The following AOPEP variants were observed in gnomAD, a reference collection of about 807,000 sequenced individuals.
AOPEP encodes aminopeptidase O.
Under a neutral mutation model 98.1 loss-of-function variants are expected in AOPEP, and 77 were observed. The observed-to-expected ratio is 0.78, with a 90% CI of 0.65 to 0.95. AOPEP has a LOEUF of 0.95. Ranked by LOEUF, AOPEP falls within the 40% of genes least tolerant of loss-of-function variation. The pLI is 0.00. For missense variants in AOPEP, 1,024 were observed against 1,024.7 expected (o/e 1.00, Z 0.01); for synonymous variants, 346 against 365.3 (o/e 0.95, Z 0.60).
chr9:95,017,938 T>C (rs1047312013), intron 13 of AOPEP, among the ~76,000 whole-genome samples: 1 of 152,250 alleles, frequency 6.6e-6, no homozygotes, highest in Non-Finnish European at 1.5e-5. Context: ...AAGTTTGAGC[T>C]CCAGTGGTGT....
intron 5 of AOPEP, among the ~76,000 whole-genome samples, chr9:94,826,173 G>C (rs911860853): frequency 6.6e-6 from 1 of 152,098 alleles, no homozygotes; most frequent in Admixed American, 6.5e-5. Context: ...CTTGTTCTCC[G>C]AAGACATGAG....
chr9:95,125,253 G>C, the AOPEP span: 4 of 1,272,812 alleles, frequency 3.1e-6, no homozygotes, highest in South Asian at 4.8e-5. Flanking sequence ...AACCTGCACT[G>C]TATAAGGGAA....
intron 7 of AOPEP, among the ~76,000 whole-genome samples, chr9:94,938,825 A>G (rs796457191): frequency 1.2e-4 from 19 of 152,370 alleles, no homozygotes; most frequent in African/African-American, 4.3e-4. Flanking sequence ...CATATGATCA[A>G]AGAGAAAGAG....
intron 10 of AOPEP, among the ~76,000 whole-genome samples, chr9:94,978,807 A>G (rs1477207337): frequency 6.6e-6 from 1 of 152,170 alleles, no homozygotes; most frequent in Non-Finnish European, 1.5e-5. Context: ...TAGATTGGAC[A>G]TATCAAGCAA....
chr9:94,810,821 C>T (rs573836281), intron 5 of AOPEP, among the ~76,000 whole-genome samples: 1 of 152,234 alleles, frequency 6.6e-6, no homozygotes, highest in South Asian at 2.1e-4. Context: ...CCTCTTTAAC[C>T]CTTGTTAATT....
intron 3 of AOPEP, among the ~76,000 whole-genome samples, chr9:94,791,177 A>G (rs1845629822): frequency 6.6e-6 from 1 of 152,180 alleles, no homozygotes; most frequent in Non-Finnish European, 1.5e-5. Context: ...GAATGAGATA[A>G]TGTCCTTTGC....
At chr9:94,859,062 T>C (rs2044612341) in intron 5 of AOPEP, among the ~76,000 whole-genome samples, 1 of 147,210 alleles carries the variant, frequency 6.8e-6, no homozygotes, top group South Asian at 2.2e-4. Context: ...GAGGTTGCAG[T>C]GAGCTGACTG....
chr9:95,089,495 G>A (rs554902804), downstream of AOPEP, among the ~76,000 whole-genome samples: 1 of 152,324 alleles, frequency 6.6e-6, no homozygotes, highest in East Asian at 1.9e-4. Context: ...GGGTTTGAAC[G>A]CAGGTCCACA....
intron 5 of AOPEP, among the ~76,000 whole-genome samples, chr9:94,850,400 A>G (rs1034323191): frequency 2.0e-5 from 3 of 152,210 alleles, no homozygotes; most frequent in African/African-American, 7.2e-5. Flanking sequence ...GGCGGACACT[A>G]CAGAAATGAC....
At chr9:94,779,556 G>T (rs189583664) in intron 3 of AOPEP, among the ~76,000 whole-genome samples, 23 of 152,156 alleles carry the variant, frequency 1.5e-4, no homozygotes, top group Admixed American at 1.1e-3. Context: ...TATGAACTCT[G>T]TGTTCTTACA....
intron 15 of AOPEP, among the ~76,000 whole-genome samples, chr9:95,081,243 C>CA (rs2069726474): frequency 6.6e-6 from 1 of 152,212 alleles, no homozygotes; most frequent in Non-Finnish European, 1.5e-5. Context: ...CACTGTTCAC[C>CA]AGGGACAGCA....
intron 3 of AOPEP, among the ~76,000 whole-genome samples, chr9:94,791,813 G>C (rs1845786766): frequency 6.6e-6 from 1 of 151,898 alleles, no homozygotes; most frequent in Non-Finnish European, 1.5e-5. Flanking sequence ...ACTTGCACCT[G>C]AACCTAAAAT....
intron 14 of AOPEP, among the ~76,000 whole-genome samples, chr9:95,068,690 C>G (rs1015795247): frequency 6.6e-6 from 1 of 152,110 alleles, no homozygotes; most frequent in African/African-American, 2.4e-5. Flanking sequence ...TTGCCAGGGT[C>G]ATGAAGATTT....
chr9:95,020,185 A>C (rs1300040473), intron 13 of AOPEP: 2 of 152,446 alleles, frequency 1.3e-5, no homozygotes, highest in Admixed American at 1.3e-4. Context: ...CTGTCTGCCC[A>C]GGTAGCTCCC....
intron 2 of AOPEP, among the ~76,000 whole-genome samples, chr9:94,772,048 A>C (rs1303220452): frequency 6.6e-6 from 1 of 152,202 alleles, no homozygotes; most frequent in Non-Finnish European, 1.5e-5. Flanking sequence ...CTCAATTATA[A>C]TGATGTTAAT....
intron 5 of AOPEP, among the ~76,000 whole-genome samples, chr9:94,808,042 TTTC>T: frequency 6.7e-6 from 1 of 148,966 alleles, no homozygotes; most frequent in South Asian, 2.1e-4. Flanking sequence ...TTCTTTTTTC[TTTC>T]TTTTTTTTTT....
intron 13 of AOPEP, among the ~76,000 whole-genome samples, chr9:95,011,486 G>A (rs978362160): frequency 2.6e-5 from 4 of 152,052 alleles, no homozygotes; most frequent in Non-Finnish European, 5.9e-5. Context: ...ACAGACATGA[G>A]CCACCGCGCA....
chr9:94,916,207 C>A (rs958858245), intron 5 of AOPEP, among the ~76,000 whole-genome samples: 2 of 152,124 alleles, frequency 1.3e-5, no homozygotes, highest in African/African-American at 2.4e-5. Flanking sequence ...TTTATGGGAA[C>A]AAACATCATC....
intron 1 of AOPEP, among the ~76,000 whole-genome samples, chr9:94,727,299 G>C: frequency 6.6e-6 from 1 of 152,210 alleles, no homozygotes; most frequent in Non-Finnish European, 1.5e-5. Context: ...GCATGGGCGG[G>C]GAGGGGGTGG....
Sources: gnomAD v4.1 joint callset for allele counts (sites outside exome capture counted in the v4.1 genomes callset) on GRCh38, gnomAD v4.1.1 for gene constraint, MANE v1.5 for transcripts, NCBI Gene and HGNC (gene_info 2026-07-23, HGNC 2026-07-21) for gene names.